The following FREM1 variants were observed in gnomAD, a reference collection of about 807,000 sequenced individuals.
FREM1 encodes the protein FRAS1-related extracellular matrix protein 1.
A neutral mutation model predicts 210.1 loss-of-function variants in FREM1; 220 were observed. The ratio of observed to expected loss-of-function variants is 1.05; its 90% CI spans 0.94 to 1.17. The LOEUF is 1.17. FREM1 is among the 50% of genes most tolerant of loss of function. FREM1 has a pLI of 0.00. For missense variants in FREM1, 3,454 were observed against 2,675.5 expected (o/e 1.29, Z -6.42); for synonymous variants, 1,189 against 980.2 (o/e 1.21, Z -3.98).
At chr9:14,808,584 T>G (rs781632086) in intron 16 of FREM1, among the ~76,000 whole-genome samples, 2 of 152,220 alleles carry the variant, frequency 1.3e-5, no homozygotes, top group African/African-American at 2.4e-5. Context: ...CACAGAGCAG[T>G]TATGAGAAAC....
rs1844332828 is a variant in FREM1 at position 14,756,254 on chromosome 9, G to A, written c.5407+120C>T. The A allele has an allele frequency of 1.8e-5, 13 of 708,426 alleles. No individual in the cohort carries two copies. In the South Asian group the frequency reaches 2.3e-4, roughly 13 times the overall value. The allele number at this position is 708,426 out of a possible 1,614,324, so 43.9% of individuals were successfully genotyped here. A position where few individuals can be genotyped will look rare whatever the true frequency, so the allele number is the denominator to read the frequency against. ...TTAGAGTGAGGTGGTATGGCTCCCT[G>A]AGGAGTTTCTAGTTGGCTAAAGTTG... is the stretch of plus-strand genomic sequence containing the variant. On this transcript the variant is annotated intron_variant, in intron 29 of 36. Coordinates refer to ENST00000380880, the MANE Select transcript of FREM1 (RefSeq NM_001379081.2).
At chr9:14,823,699 T>C (rs1821799778) in intron 12 of FREM1, among the ~76,000 whole-genome samples, 1 of 152,164 alleles carries the variant, frequency 6.6e-6, no homozygotes, top group African/African-American at 2.4e-5. Context: ...TGGAAACTAA[T>C]ACAGTAAGAT....
rs140532818 is a variant in FREM1, at chr9:14,822,481, T to C, written c.2337+679A>G. ...CTGGTCCCTTCTGGTTGATAATGAA[T>C]GGGTAATGCTATTTTGTCTTCCTGC... On this transcript the variant is annotated intron_variant, in intron 13 of 36. Transcript: ENST00000380880. 9.2e-3 allele frequency among the ~76,000 whole-genome samples: 1,405 copies of C among 152,156 alleles called. 17 individuals are homozygous for C. The highest frequency in any genetic ancestry group is 0.032 in the African/African-American group (1,324 of 41,500).
intron 1 of FREM1, among the ~76,000 whole-genome samples, chr9:14,886,404 A>AG (rs1835824073): frequency 6.8e-6 from 1 of 146,702 alleles, no homozygotes; most frequent in Non-Finnish European, 1.5e-5. Flanking sequence ...AAAAAAAAAA[A>AG]AAAAGGAAAA....
chr9:14,774,247 TG>T, intron 25 of FREM1: 1 of 484,288 alleles, frequency 2.1e-6, no homozygotes, highest in South Asian at 1.6e-5. Flanking sequence ...GTGTATTAGA[TG>T]GGATTACGTT....
In FREM1 at chr9:14,816,783, C is replaced by T. The variant is rs773097117; in HGVS notation, c.2635G>A (p.Val879Ile). The T allele has an allele frequency of 5.7e-6, 8 of 1,399,378 alleles. No individual in the cohort carries two copies. Among genetic ancestry groups the T allele is most frequent in the Non-Finnish European group, 7.6e-6 (8 of 1,048,910 alleles). The allele number at this position is 1,399,378 out of a possible 1,614,324, so 86.7% of individuals were successfully genotyped here. A position where few individuals can be genotyped will look rare whatever the true frequency, so the allele number is the denominator to read the frequency against. ...GTNSAEFVLHVEVFPVNDEPP... is the reference protein window; with the variant it reads ...GTNSAEFVLHIEVFPVNDEPP... ...GGAAGAAACTTTCTACCCACCTCAA[C>T]ATGTAGTACAAATTCTGCTGAATTT... is the stretch of plus-strand genomic sequence containing the variant. The change falls in exon 15 of 37, where the codon GTT becomes ATT. Residue 879 changes from valine (V) to isoleucine (I), a missense_variant. By Grantham distance (29) the Val-to-Ile change is conservative. Coordinates refer to ENST00000380880, the MANE Select transcript of FREM1 (RefSeq NM_001379081.2).
chr9:14,778,801 G>A (rs1849159129), intron 24 of FREM1, among the ~76,000 whole-genome samples: 1 of 150,268 alleles, frequency 6.7e-6, no homozygotes, highest in Non-Finnish European at 1.5e-5. Context: ...TGGACACTCT[G>A]GGAGGCTGGG....
intron 1 of FREM1, among the ~76,000 whole-genome samples, chr9:14,903,263 G>A (rs1484710335): frequency 6.6e-6 from 1 of 152,052 alleles, no homozygotes; most frequent in East Asian, 1.9e-4. Flanking sequence ...CATGACATGT[G>A]GTCAGCAGGA....
At chr9:14,748,335 TTAA>T in intron 31 of FREM1, 63 bp downstream of exon 31, 3 of 899,754 alleles carry the variant, frequency 3.3e-6, no homozygotes, top group Non-Finnish European at 3.4e-6. Context: ...AGAATACTTA[TTAA>T]TATCTTCTGA....
chr9:14,787,191 A>G (rs1850553696), intron 23 of FREM1, among the ~76,000 whole-genome samples: 1 of 152,226 alleles, frequency 6.6e-6, no homozygotes, highest in African/African-American at 2.4e-5. Context: ...ACTCTTTAGT[A>G]TAGTCTTGTT....
intron 1 of FREM1, among the ~76,000 whole-genome samples, chr9:14,901,200 C>T (rs1411271213): frequency 6.6e-6 from 1 of 152,120 alleles, no homozygotes; most frequent in Non-Finnish European, 1.5e-5. Flanking sequence ...TCTCTAAAAC[C>T]ATAAAATGCA....
Position 14,737,230 on chromosome 9 carries a change from T to C in FREM1, c.*166A>G, listed in dbSNP as rs1319311695. The C allele has an allele frequency of 5.6e-6, 3 of 531,172 alleles. No homozygotes were observed. Among genetic ancestry groups the C allele is most frequent in the Non-Finnish European group, 9.9e-6 (3 of 302,586 alleles). The allele number at this position is 531,172 out of a possible 1,614,324, so 32.9% of individuals were successfully genotyped here. A position where few individuals can be genotyped will look rare whatever the true frequency, so the allele number is the denominator to read the frequency against. ...TCTTATCTTGTAAAAAATATTTATT[T>C]ATCAATCTTTCTGGCACTATTAAAA... On this transcript the variant is annotated 3_prime_UTR_variant, in exon 37 of 37. Coordinates refer to ENST00000380880, the MANE Select transcript of FREM1 (RefSeq NM_001379081.2).
intron 36 of FREM1, among the ~76,000 whole-genome samples, chr9:14,737,908 A>C (rs1267272967): frequency 6.6e-6 from 1 of 152,186 alleles, no homozygotes; most frequent in Admixed American, 6.5e-5. Flanking sequence ...AAAAAAGATA[A>C]TGCATGTAAA....
At chr9:14,852,625 T>C (rs543302766) in intron 5 of FREM1, among the ~76,000 whole-genome samples, 1 of 152,278 alleles carries the variant, frequency 6.6e-6, no homozygotes, top group African/African-American at 2.4e-5. Flanking sequence ...GCCCAGGAGT[T>C]TGAAGTTATG....
At chr9:14,875,010 G>C (rs1194269637) in intron 1 of FREM1, among the ~76,000 whole-genome samples, 1 of 152,134 alleles carries the variant, frequency 6.6e-6, no homozygotes, top group Non-Finnish European at 1.5e-5. Context: ...CTCTCTTCTG[G>C]CTTGTAGAGT....
intron 27 of FREM1, among the ~76,000 whole-genome samples, chr9:14,764,125 A>T (rs1463880185): frequency 6.6e-6 from 1 of 152,134 alleles, no homozygotes; most frequent in African/African-American, 2.4e-5. Context: ...GTCTCACGAG[A>T]TCTGATGACT....
chr9:14,904,009 C>T (rs893790216), intron 1 of FREM1, among the ~76,000 whole-genome samples: 3 of 149,340 alleles, frequency 2.0e-5, no homozygotes, highest in African/African-American at 7.4e-5. Flanking sequence ...GTAGTCCCAG[C>T]TGCTTGGGAG....
intron 21 of FREM1, among the ~76,000 whole-genome samples, chr9:14,794,552 C>T (rs1005705991): frequency 6.6e-6 from 1 of 152,168 alleles, no homozygotes; most frequent in Admixed American, 6.5e-5. Flanking sequence ...GGCTGAGGGG[C>T]TGTGATCTGC....
intron 1 of FREM1, among the ~76,000 whole-genome samples, chr9:14,875,178 G>A (rs1833463945): frequency 6.6e-6 from 1 of 152,104 alleles, no homozygotes; most frequent in African/African-American, 2.4e-5. Context: ...GTATCTTTGT[G>A]GTGTTCTCTT....
Sources: allele counts gnomAD v4.1 joint callset (sites outside exome capture counted in the v4.1 genomes callset), GRCh38; gene constraint gnomAD v4.1.1; transcripts MANE v1.5; gene names NCBI Gene and HGNC (gene_info 2026-07-23, HGNC 2026-07-21).